Variants in KIF1B observed in about 807,000 individuals in gnomAD.
KIF1B encodes the protein kinesin family member 1B, also known as kinesin-like protein KIF1B.
In KIF1B, 76 loss-of-function variants were observed where a neutral mutation model predicts 241.9. That is an observed-to-expected ratio of 0.31 (90% CI 0.26 to 0.38). The LOEUF (loss-of-function observed/expected upper bound fraction) is 0.38. Among genes scored for constraint, KIF1B ranks in the 10% least tolerant of loss-of-function variants. The pLI, the probability that KIF1B is intolerant of heterozygous loss-of-function variation, is 1.00. For missense variants in KIF1B, 1,622 were observed against 2,271.4 expected (o/e 0.71, Z 5.81); for synonymous variants, 750 against 796.7 (o/e 0.94, Z 0.99).
intron 2 of KIF1B, among the ~76,000 whole-genome samples, chr1:10,241,148 TG>T (rs1472404370): frequency 2.6e-5 from 4 of 152,186 alleles, no homozygotes; most frequent in Non-Finnish European, 4.4e-5. Context: ...GGTCTTGCTC[TG>T]TTGCGCAGAC....
At chr1:10,320,184 A>G (rs374646847) in intron 23 of KIF1B, 48 bp downstream of exon 23, 25 of 1,260,492 alleles carry the variant, frequency 2.0e-5, no homozygotes, top group Non-Finnish European at 2.9e-5. Context: ...TTTTGAAGTT[A>G]TATTATCAAA....
Position 10,374,752 on chromosome 1 carries a change from C to G in KIF1B, c.5097-102C>G. The G allele has an allele frequency of 8.6e-7, 1 of 1,162,292 alleles. No homozygotes were observed. The highest frequency in any genetic ancestry group is 1.9e-5 in the Admixed American group (1 of 53,758). The allele number at this position is 1,162,292 out of a possible 1,614,324, so 72.0% of individuals were successfully genotyped here. A position where few individuals can be genotyped will look rare whatever the true frequency, so the allele number is the denominator to read the frequency against. On this transcript the variant is annotated intron_variant, in intron 46 of 48. Transcript: ENST00000676179. This position sits in a 1 kb window ranked among gnomAD's most constrained non-coding sequence, Gnocchi z 4.3. ...CAAATAGGTCATTTGCCTGTTTCAT[C>G]GAATCTAAGGACTTGGCCTAAGTGT...
At position 10,375,174 on chromosome 1, in the gene KIF1B, A is replaced by G. The variant is rs116057851; in HGVS notation, c.5290-81A>G. 4.4e-4 allele frequency: 639 copies of G among 1,461,258 alleles called. 3 individuals carry two copies. The African/African-American group carries it at 7.5e-3, about 17-fold the overall frequency. The allele number at this position is 1,461,258 out of a possible 1,614,324, so 90.5% of individuals were successfully genotyped here. A position where few individuals can be genotyped will look rare whatever the true frequency, so the allele number is the denominator to read the frequency against. On this transcript the variant is annotated intron_variant, in intron 47 of 48. Transcript: ENST00000676179. ...TTTTGAACTTCCTTTGTGAAGTGCT[A>G]TATGCCTTGGGAATATGGCAAGGCA...
At chr1:10,367,047 TTCTTTA>T (rs1638596363) in intron 43 of KIF1B, among the ~76,000 whole-genome samples, 2 of 152,098 alleles carry the variant, frequency 1.3e-5, no homozygotes, top group Non-Finnish European at 2.9e-5. Context: ...GAAGGGAGAA[TTCTTTA>T]TCTTTATTAC....
At chr1:10,323,751 TCAGTAGAAAGTTAGTCACAAGATATTTG>T in intron 24 of KIF1B, 105 bp from the exon 25 acceptor site, 1 of 715,884 alleles carries the variant, frequency 1.4e-6, no homozygotes, top group Non-Finnish European at 2.4e-6. Flanking sequence ...GCCATATTTT[TCAGTAGAAAGTTAGTCACAAGATATTTG>T]TTGAGCACAT....
chr1:10,361,621 AC>A (rs2102345424), intron 39 of KIF1B, 70 bp from the exon 40 acceptor site: 1 of 1,589,622 alleles, frequency 6.3e-7, no homozygotes, highest in African/African-American at 1.3e-5. Context: ...CTTTCCAAAT[AC>A]GTTCGTGTAT....
chr1:10,303,445 C>T lies in KIF1B; in HGVS notation c.2115+6199C>T. On this transcript the variant is annotated intron_variant, in intron 22 of 48. Transcript: ENST00000676179. This position sits in a 1 kb window ranked among gnomAD's most constrained non-coding sequence, Gnocchi z 5.2. ...TGAGGTTGCTCTCAATGACTTCAGG[C>T]ACAGTCGGCAGGAGATTGAAGCCCT... 1 of 1,614,178 alleles carries T rather than the reference C, an allele frequency of 6.2e-7. No individual in the cohort carries two copies.
intron 1 of KIF1B, among the ~76,000 whole-genome samples, chr1:10,215,172 A>ATATATATATATT (rs1377684765): frequency 1.1e-4 from 5 of 45,350 alleles, no homozygotes; most frequent in Non-Finnish European, 1.9e-4. Context: ...ATATATATAT[A>ATATATATATATT]TTTTTTTTTT....
intron 6 of KIF1B, 105 bp from the exon 7 acceptor site, chr1:10,268,047 A>AG: frequency 1.3e-6 from 1 of 778,884 alleles, no homozygotes; most frequent in South Asian, 1.5e-5. Context: ...AATAAGTTTA[A>AG]GACTATTGCT....
chr1:10,261,719 C>T (rs575153669), intron 4 of KIF1B, among the ~76,000 whole-genome samples, 186 bp from the exon 5 acceptor site: 48 of 152,162 alleles, frequency 3.2e-4, no homozygotes, highest in Middle Eastern at 3.4e-3. Flanking sequence ...CATCGTTGAC[C>T]GAATCATGGT....
intron 5 of KIF1B, among the ~76,000 whole-genome samples, chr1:10,264,730 C>T (rs944257083): frequency 1.1e-4 from 17 of 151,850 alleles, no homozygotes; most frequent in Non-Finnish European, 1.6e-4. Flanking sequence ...GGCGCGGTCT[C>T]GGCTCACTTC....
At chr1:10,286,366 G>A (rs1240779576) in intron 15 of KIF1B, among the ~76,000 whole-genome samples, 1 of 152,186 alleles carries the variant, frequency 6.6e-6, no homozygotes, top group Non-Finnish European at 1.5e-5. Context: ...TTTTAAACAT[G>A]CAGCTGTAGC....
chr1:10,345,844 G>A lies in KIF1B; in HGVS notation c.3689-1G>A. 6.2e-7 allele frequency: 1 copy of A among 1,613,260 alleles called. No homozygotes were observed. Among genetic ancestry groups the A allele is most frequent in the Non-Finnish European group, 8.5e-7 (1 of 1,179,352 alleles). On this transcript the variant is annotated splice_acceptor_variant, in intron 34 of 48. Transcript: ENST00000676179. LOFTEE classifies it high-confidence loss of function. ...TGACATACTCTAAAAACTTTTAAAA[G>A]TTCCAGCCACCAAGTTAAACACGAT...
At chr1:10,332,899 C>T (rs1372951539) in intron 27 of KIF1B, among the ~76,000 whole-genome samples, 1 of 151,354 alleles carries the variant, frequency 6.6e-6, no homozygotes, top group Non-Finnish European at 1.5e-5. Flanking sequence ...ACAACCTCCA[C>T]CTCCCGGGTT....
chr1:10,304,104 T>C, intron 22 of KIF1B: 1 of 1,613,654 alleles, frequency 6.2e-7, no homozygotes. Flanking sequence ...ACTCTTGGAG[T>C]CCTGGGACAC....
chr1:10,359,532 A>G (rs1180295040), intron 38 of KIF1B, among the ~76,000 whole-genome samples: 1 of 152,034 alleles, frequency 6.6e-6, no homozygotes, highest in Non-Finnish European at 1.5e-5. Flanking sequence ...TTACCAGTAG[A>G]AAAAAAACGA....
At chr1:10,261,374 G>A (rs1362133573) in intron 4 of KIF1B, among the ~76,000 whole-genome samples, 1 of 151,262 alleles carries the variant, frequency 6.6e-6, no homozygotes, top group Non-Finnish European at 1.5e-5. Context: ...GGGTTCAAGC[G>A]ATTCTCCTGC....
chr1:10,375,179 C>T (rs909838780), intron 47 of KIF1B, 76 bp from the exon 48 acceptor site: 5 of 1,471,032 alleles, frequency 3.4e-6, no homozygotes, highest in South Asian at 1.1e-5. Context: ...GTGCTATATG[C>T]CTTGGGAATA....
At chr1:10,331,970 T>C (rs1198925494) in intron 27 of KIF1B, among the ~76,000 whole-genome samples, 2 of 134,548 alleles carry the variant, frequency 1.5e-5, no homozygotes, top group Non-Finnish European at 3.3e-5. Context: ...TAATTTAGCT[T>C]TCACTTATGC....
Sources: gnomAD v4.1 joint callset for allele counts (sites outside exome capture counted in the v4.1 genomes callset) on GRCh38, gnomAD v4.1.1 for gene constraint, Gnocchi (gnomAD v3.1) non-coding constraint, MANE v1.5 for transcripts, NCBI Gene and HGNC (gene_info 2026-07-23, HGNC 2026-07-21) for gene names.